ZNF385D: variants seen among roughly 807,000 people sequenced by gnomAD.
ZNF385D encodes the protein zinc finger protein 659.
Under a neutral mutation model 35.8 loss-of-function variants are expected in ZNF385D, and 15 were observed. The observed-to-expected ratio is 0.42, with a 90% CI of 0.28 to 0.64. ZNF385D has a LOEUF of 0.64. Ranked by LOEUF, ZNF385D falls within the 30% of genes least tolerant of loss-of-function variation. ZNF385D has a pLI of 0.23. For synonymous variants in ZNF385D, 212 were observed against 186.8 expected, an observed-to-expected ratio of 1.13 and a Z score of -1.10; for missense variants, 474 against 494.6, an observed-to-expected ratio of 0.96 and a Z score of 0.39.
chr3:22,019,212 T>C (rs1397121631), intron 3 of ZNF385D, among the ~76,000 whole-genome samples: 1 of 151,724 alleles, frequency 6.6e-6, no homozygotes, highest in Non-Finnish European at 1.5e-5. Flanking sequence ...ATATATGACC[T>C]GAGATCCTGC....
intron 3 of ZNF385D, among the ~76,000 whole-genome samples, chr3:21,512,776 T>C (rs1298719135): frequency 1.3e-5 from 2 of 152,174 alleles, no homozygotes; most frequent in Non-Finnish European, 2.9e-5. Flanking sequence ...GGACAAAATT[T>C]TGTCTTTTTT....
At chr3:21,692,113 G>C (rs995922489) in intron 1 of ZNF385D, among the ~76,000 whole-genome samples, 1 of 151,944 alleles carries the variant, frequency 6.6e-6, no homozygotes, top group Non-Finnish European at 1.5e-5. Context: ...ATTATAATTT[G>C]CTTACCTGTT....
chr3:21,761,801 A>G (rs1451640739), intron 3 of ZNF385D, among the ~76,000 whole-genome samples: 1 of 151,872 alleles, frequency 6.6e-6, no homozygotes, highest in Non-Finnish European at 1.5e-5. Flanking sequence ...CCAAGTGATA[A>G]AAATTGTATC....
intron 2 of ZNF385D, among the ~76,000 whole-genome samples, chr3:22,250,488 T>C (rs914357946): frequency 2.0e-5 from 3 of 151,966 alleles, no homozygotes; most frequent in African/African-American, 4.8e-5. Flanking sequence ...TAGGAGTGCA[T>C]TGGAATATTG....
chr3:21,471,196 A>G (rs973598671), intron 4 of ZNF385D, among the ~76,000 whole-genome samples: 2 of 151,862 alleles, frequency 1.3e-5, no homozygotes, highest in African/African-American at 4.8e-5. Context: ...TCACTGAACC[A>G]TATTCCCTTC....
rs140949873 is a variant in ZNF385D at position 21,839,041 on chromosome 3, T to C, written c.326-174013A>G. Among the ~76,000 whole-genome samples, 756 of 152,194 alleles carry C rather than the reference T, an allele frequency of 5.0e-3. 7 individuals are homozygous for C. The highest frequency in any genetic ancestry group is 0.017 in the African/African-American group (726 of 41,564). Reference sequence around the variant, plus strand: ...AACTGTGGCTAAAAAGATAAAAATATTTTTAATAATAATTAAAGGTTATTA... The same window carrying C: ...AACTGTGGCTAAAAAGATAAAAATACTTTTAATAATAATTAAAGGTTATTA... On this transcript the variant is annotated intron_variant, in intron 3 of 5. Coordinates refer to the ZNF385D transcript ENST00000494108.
intron 2 of ZNF385D, among the ~76,000 whole-genome samples, chr3:22,224,192 T>A (rs755380737): frequency 3.9e-5 from 6 of 152,150 alleles, no homozygotes; most frequent in Admixed American, 1.3e-4. Flanking sequence ...ATAAATGAAT[T>A]CAGTACAGGT....
intron 1 of ZNF385D, among the ~76,000 whole-genome samples, chr3:21,675,822 T>G (rs933418441): frequency 6.6e-6 from 1 of 152,082 alleles, no homozygotes; most frequent in Admixed American, 6.6e-5. Context: ...GTATTAGATT[T>G]GTATTCTTTT....
intron 2 of ZNF385D, among the ~76,000 whole-genome samples, chr3:22,281,261 T>A (rs1365934630): frequency 6.6e-6 from 1 of 152,096 alleles, no homozygotes; most frequent in East Asian, 1.9e-4. Context: ...GGCTAGGATT[T>A]CCAGTACTAT....
Position 22,218,137 on chromosome 3 carries a change from C to T in ZNF385D, c.107-49102G>A, listed in dbSNP as rs962372713. On this transcript the variant is annotated intron_variant, in intron 2 of 5. Transcript: ENST00000494108. ...AAGACTGTAAATTCCACAGCTATCT[C>T]GTAGGAATTTTTACTTACAATTTCA... 4.6e-5 allele frequency among the ~76,000 whole-genome samples: 7 copies of T among 151,998 alleles called. No homozygotes were observed. The East Asian group carries it at 5.8e-4, about 13-fold the overall frequency.
Position 21,513,584 on chromosome 3 carries a change from C to A in ZNF385D, c.277-2561G>T, listed in dbSNP as rs540169225. Among the ~76,000 whole-genome samples, 9 of 151,992 alleles carry A rather than the reference C, an allele frequency of 5.9e-5. No individual in the cohort carries two copies. In the East Asian group the frequency reaches 1.7e-3, roughly 29 times the overall value. On this transcript the variant is annotated intron_variant, in intron 3 of 7. Coordinates refer to ENST00000281523, the MANE Select transcript of ZNF385D (RefSeq NM_024697.3). ...CCAAGGCGTTATAGATAAACCAAGA[C>A]ATGTAGAATTTAGGAGAAATTGAGT...
At chr3:21,896,032 A>G (rs961358426) in intron 3 of ZNF385D, among the ~76,000 whole-genome samples, 1 of 152,162 alleles carries the variant, frequency 6.6e-6, no homozygotes, top group Non-Finnish European at 1.5e-5. Flanking sequence ...GGGCCACATT[A>G]AAGTAAAATT....
chr3:21,997,882 T>G (rs1202536162), intron 3 of ZNF385D, among the ~76,000 whole-genome samples: 1 of 149,176 alleles, frequency 6.7e-6, no homozygotes, highest in South Asian at 2.1e-4. Context: ...CGTGTGTGTG[T>G]GTGTGTGTGT....
chr3:21,458,612 G>T (rs1349610243), intron 4 of ZNF385D, among the ~76,000 whole-genome samples: 1 of 151,986 alleles, frequency 6.6e-6, no homozygotes, highest in Non-Finnish European at 1.5e-5. Flanking sequence ...TATTATTCTG[G>T]ACTAAAAAGG....
At chr3:22,036,520 G>A (rs1001844624) in intron 3 of ZNF385D, among the ~76,000 whole-genome samples, 1 of 151,882 alleles carries the variant, frequency 6.6e-6, no homozygotes, top group Non-Finnish European at 1.5e-5. Flanking sequence ...AAGGAAAAAT[G>A]GAAAGAAATA....
chr3:22,082,227 G>A (rs905335141), intron 3 of ZNF385D, among the ~76,000 whole-genome samples: 3 of 152,082 alleles, frequency 2.0e-5, no homozygotes, highest in African/African-American at 4.8e-5. Flanking sequence ...CCCACGGAGG[G>A]TGAGCTGAAG....
At chr3:22,248,406 G>C (rs76268972) in intron 2 of ZNF385D, among the ~76,000 whole-genome samples, 3 of 152,104 alleles carry the variant, frequency 2.0e-5, no homozygotes, top group Non-Finnish European at 4.4e-5. Flanking sequence ...AGGATATAGA[G>C]AAGAAAGTAG....
At chr3:21,466,480 A>G (rs1406741984) in intron 4 of ZNF385D, among the ~76,000 whole-genome samples, 1 of 152,224 alleles carries the variant, frequency 6.6e-6, no homozygotes, top group African/African-American at 2.4e-5. Context: ...TGAAGCCTTC[A>G]AGGATACCCT....
chr3:21,737,240 A>T (rs1466299679), intron 1 of ZNF385D, among the ~76,000 whole-genome samples: 1 of 152,222 alleles, frequency 6.6e-6, no homozygotes, highest in South Asian at 2.1e-4. Flanking sequence ...AGATAGATAC[A>T]TGTGTCCATG....
Sources: allele counts gnomAD v4.1 joint callset (sites outside exome capture counted in the v4.1 genomes callset), GRCh38; gene constraint gnomAD v4.1.1; transcripts MANE v1.5; gene names NCBI Gene and HGNC (gene_info 2026-07-23, HGNC 2026-07-21).